GRIA4: variants seen among roughly 807,000 people sequenced by gnomAD.
The protein encoded by GRIA4 is glutamate receptor 4.
GRIA4 carries 34 observed loss-of-function variants against 104.0 expected under a neutral mutation model. The observed-to-expected ratio is 0.33, with a 90% CI of 0.25 to 0.44. The LOEUF (loss-of-function observed/expected upper bound fraction) is 0.44. Ranked by LOEUF, GRIA4 falls within the 20% of genes least tolerant of loss-of-function variation. The pLI, the probability that GRIA4 is intolerant of heterozygous loss-of-function variation, is 1.00. For missense variants in GRIA4, 750 were observed against 1,096.5 expected (o/e 0.68, Z 4.46); for synonymous variants, 386 against 381.9 (o/e 1.01, Z -0.13).
rs78849522 is a variant in GRIA4, at chr11:105,687,410, T to C, written c.248-65571T>C. On this transcript the variant is annotated intron_variant, in intron 3 of 16. Transcript: ENST00000282499. ...CAGATTCTACTGCAGTTATGCTATA[T>C]AGAAGGCAGAAAGTAATGTGTTACT... is the stretch of plus-strand genomic sequence containing the variant. 3.6e-3 allele frequency among the ~76,000 whole-genome samples: 542 copies of C among 152,298 alleles called. 3 individuals are homozygous for C. Among genetic ancestry groups the C allele is most frequent in the African/African-American group, 0.012 (518 of 41,566 alleles).
chr11:105,631,248 C>A (rs1252622449), intron 3 of GRIA4, among the ~76,000 whole-genome samples: 3 of 152,034 alleles, frequency 2.0e-5, no homozygotes, highest in Admixed American at 6.6e-5. Context: ...GCAGCCAGCC[C>A]CGCTGGGGCT....
At chr11:105,866,693 C>T (rs1945433266) in intron 5 of GRIA4, among the ~76,000 whole-genome samples, 1 of 150,844 alleles carries the variant, frequency 6.6e-6, no homozygotes, top group Non-Finnish European at 1.5e-5. Context: ...AAAAGTATTT[C>T]CTAAAATCCT....
At chr11:105,827,478 C>A (rs1943813839) in intron 4 of GRIA4, among the ~76,000 whole-genome samples, 1 of 151,936 alleles carries the variant, frequency 6.6e-6, no homozygotes, top group South Asian at 2.1e-4. Flanking sequence ...ATAAACTTAT[C>A]TTAAAATAAA....
At chr11:105,781,709 C>A (rs934476678) in intron 4 of GRIA4, among the ~76,000 whole-genome samples, 1 of 152,028 alleles carries the variant, frequency 6.6e-6, no homozygotes, top group Non-Finnish European at 1.5e-5. Context: ...ACAAACCCCA[C>A]AAGAATCGGA....
At position 105,924,522 on chromosome 11, in the gene GRIA4, C is replaced by A; in HGVS notation, c.1600C>A (p.Pro534Thr). 1 of 1,613,286 alleles carries A rather than the reference C, an allele frequency of 6.2e-7. No individual in the cohort carries two copies. The highest frequency in any genetic ancestry group is 8.5e-7 in the Non-Finnish European group (1 of 1,179,456). Residue 534 changes from proline to threonine, a missense_variant, in exon 12 of 17, where the codon CCA becomes ACA. Around this residue, in one of 3 missense-constraint regions of GRIA4, gnomAD observed 272 missense variants for 524.5 expected, o/e 0.52. Coordinates refer to ENST00000282499, the MANE Select transcript of GRIA4 (RefSeq NM_000829.4). The stretch of plus-strand genomic sequence containing the variant: ...GATCAAAAAGCCTCAGAAATCCAAA[C>A]CAGGAGTGTTTTCCTTCTTGGATCC... The part of the protein sequence containing the change: ...IMIKKPQKSK[P>T]GVFSFLDPLA...
intron 6 of GRIA4, among the ~76,000 whole-genome samples, chr11:105,889,603 C>T (rs2136105512): frequency 6.6e-6 from 1 of 152,074 alleles, no homozygotes; most frequent in East Asian, 1.9e-4. Context: ...CAACATCATA[C>T]TTAAGGTTGA....
chr11:105,972,908 A>T (rs1858772775), intron 15 of GRIA4, among the ~76,000 whole-genome samples: 1 of 152,170 alleles, frequency 6.6e-6, no homozygotes, highest in African/African-American at 2.4e-5. Context: ...GGATATTCTA[A>T]GATATTAAAC....
intron 3 of GRIA4, among the ~76,000 whole-genome samples, chr11:105,692,540 C>T (rs1287117144): frequency 6.6e-6 from 1 of 152,142 alleles, no homozygotes; most frequent in Non-Finnish European, 1.5e-5. Flanking sequence ...AAGATGTTCC[C>T]CTTGACAAAT....
intron 4 of GRIA4, among the ~76,000 whole-genome samples, chr11:105,829,705 G>A (rs1431048966): frequency 1.3e-5 from 2 of 151,890 alleles, no homozygotes; most frequent in Non-Finnish European, 2.9e-5. Flanking sequence ...GAAGTTTGCA[G>A]AAAGGGAGAA....
chr11:105,887,334 T>C (rs1006122675), intron 5 of GRIA4, among the ~76,000 whole-genome samples, 185 bp from the exon 6 acceptor site: 1 of 152,132 alleles, frequency 6.6e-6, no homozygotes, highest in Non-Finnish European at 1.5e-5. Context: ...GTGGTACTTT[T>C]TACCACTTAT....
At chr11:105,928,964 T>C (rs767898986) in intron 13 of GRIA4, among the ~76,000 whole-genome samples, 1 of 152,116 alleles carries the variant, frequency 6.6e-6, no homozygotes, top group Non-Finnish European at 1.5e-5. Context: ...CCTTGTTTCC[T>C]TTCTCTCCAA....
At chr11:105,674,498 A>G (rs1952473899) in intron 3 of GRIA4, among the ~76,000 whole-genome samples, 1 of 151,872 alleles carries the variant, frequency 6.6e-6, no homozygotes, top group African/African-American at 2.4e-5. Flanking sequence ...ATATAGTAGT[A>G]ACACTGTGGC....
intron 4 of GRIA4, among the ~76,000 whole-genome samples, chr11:105,850,105 T>C (rs777808230): frequency 3.9e-5 from 6 of 152,134 alleles, no homozygotes; most frequent in Non-Finnish European, 8.8e-5. Context: ...CACGGTACCA[T>C]TGTGAAAAAA....
At chr11:105,721,327 C>T (rs917573006) in intron 3 of GRIA4, among the ~76,000 whole-genome samples, 1 of 152,048 alleles carries the variant, frequency 6.6e-6, no homozygotes, top group Non-Finnish European at 1.5e-5. Flanking sequence ...GAATGCCCCT[C>T]CCCTTCCTGT....
chr11:105,883,199 G>A (rs574187579), intron 5 of GRIA4, among the ~76,000 whole-genome samples: 21 of 151,626 alleles, frequency 1.4e-4, no homozygotes, highest in Non-Finnish European at 2.5e-4. Context: ...CGTTGAGAGC[G>A]TATAATTGAT....
chr11:105,889,098 A>C (rs936686748), intron 6 of GRIA4, among the ~76,000 whole-genome samples: 2 of 152,128 alleles, frequency 1.3e-5, no homozygotes, highest in African/African-American at 4.8e-5. Flanking sequence ...AATAGAATTG[A>C]GGGGAAAAAA....
intron 4 of GRIA4, among the ~76,000 whole-genome samples, chr11:105,794,473 G>GTATGTATATATA (rs1360490604): frequency 2.2e-3 from 98 of 43,840 alleles, no homozygotes; most frequent in Admixed American, 4.3e-3. Context: ...GTATATGTAT[G>GTATGTATATATA]TATATATATA....
At chr11:105,922,428 C>A (rs779428160) in intron 11 of GRIA4, among the ~76,000 whole-genome samples, 1 of 152,066 alleles carries the variant, frequency 6.6e-6, no homozygotes, top group Non-Finnish European at 1.5e-5. Flanking sequence ...TTTAGACCAG[C>A]CATTCCATTT....
rs1464126834 is a variant in GRIA4, at chr11:105,657,746, T to G, written c.247+45312T>G. 2.0e-5 allele frequency among the ~76,000 whole-genome samples: 3 copies of G among 152,040 alleles called. No individual in the cohort carries two copies. The East Asian group carries it at 5.8e-4, about 29-fold the overall frequency. ...TACTGATGGCACCCAGAAATGTTTC[T>G]GATTTTTATTTGATCATGATAGTAC... is the stretch of plus-strand genomic sequence containing the variant. On this transcript the variant is annotated intron_variant, in intron 3 of 16. Coordinates refer to ENST00000282499, the MANE Select transcript of GRIA4 (RefSeq NM_000829.4).
Sources: allele counts gnomAD v4.1 joint callset (sites outside exome capture counted in the v4.1 genomes callset), GRCh38; gene constraint gnomAD v4.1.1; regional missense constraint gnomAD v4.1.1; transcripts MANE v1.5; gene names NCBI Gene and HGNC (gene_info 2026-07-23, HGNC 2026-07-21).